The following UPRT variants were observed in gnomAD, a reference collection of about 807,000 sequenced individuals.
The protein encoded by UPRT is uracil phosphoribosyltransferase homolog, also known as RP11-311P8.3.
A neutral mutation model predicts 22.6 loss-of-function variants in UPRT; 5 were observed. That is an observed-to-expected ratio of 0.22 (90% CI 0.12 to 0.47). UPRT has a LOEUF of 0.47. Ranked by LOEUF, UPRT falls within the 20% of genes least tolerant of loss-of-function variation. The pLI is 0.99. For missense variants in UPRT, 181 were observed against 239.9 expected, an observed-to-expected ratio of 0.75 and a Z score of 1.62; for synonymous variants, 77 against 87.7, an observed-to-expected ratio of 0.88 and a Z score of 0.68.
intron 4 of UPRT, among the ~76,000 whole-genome samples, chrX:75,205,139 G>C (rs897784751): frequency 9.1e-6 from 1 of 109,867 alleles, no homozygotes; most frequent in African/African-American, 3.3e-5. Context: ...GGGAGGCCGA[G>C]GCGGGTGGAT....
At chrX:75,176,199 G>A (rs2082246083) in intron 4 of UPRT, among the ~76,000 whole-genome samples, 1 of 111,004 alleles carries the variant, frequency 9.0e-6, no homozygotes, top group African/African-American at 3.3e-5. Context: ...GTCAACAGAT[G>A]TTTACAACTC....
At chrX:75,292,284 G>A (rs2082711017) in intron 1 of UPRT, among the ~76,000 whole-genome samples, 1 of 111,774 alleles carries the variant, frequency 8.9e-6, no homozygotes, top group Non-Finnish European at 1.9e-5. Flanking sequence ...GAAAACCACA[G>A]TACGTGAAAT....
intron 4 of UPRT, among the ~76,000 whole-genome samples, chrX:75,177,764 G>A (rs1395483405): frequency 8.9e-6 from 1 of 111,990 alleles, no homozygotes; most frequent in Non-Finnish European, 1.9e-5. Context: ...ACTACAACGG[G>A]GCTTTGGGCA....
intron 4 of UPRT, among the ~76,000 whole-genome samples, chrX:75,224,286 C>T (rs1193799759): frequency 9.0e-6 from 1 of 111,651 alleles, no homozygotes; most frequent in Non-Finnish European, 1.9e-5. Flanking sequence ...TTTATTTTCC[C>T]CAAATATATG....
intron 4 of UPRT, among the ~76,000 whole-genome samples, chrX:75,209,310 G>C (rs1271836148): frequency 8.9e-6 from 1 of 111,761 alleles, no homozygotes; most frequent in Non-Finnish European, 1.9e-5. Flanking sequence ...TCAGTCTTCA[G>C]TTAGAGGTGA....
upstream of UPRT, among the ~76,000 whole-genome samples, chrX:75,272,779 AAG>A (rs1242985784): frequency 9.0e-6 from 1 of 111,447 alleles, no homozygotes; most frequent in African/African-American, 3.3e-5. Context: ...ATGTTAAAAA[AAG>A]GAAGGACAGA....
chrX:75,173,457 T>A, intron 4 of UPRT, among the ~76,000 whole-genome samples: 1 of 112,102 alleles, frequency 8.9e-6, no homozygotes, highest in Non-Finnish European at 1.9e-5. Flanking sequence ...AGGGTGCTGA[T>A]TGGTGTGTTT....
intron 4 of UPRT, among the ~76,000 whole-genome samples, chrX:75,208,543 G>C (rs2082372472): frequency 9.0e-6 from 1 of 111,627 alleles, no homozygotes; most frequent in African/African-American, 3.3e-5. Flanking sequence ...GAAGTGTGTG[G>C]TAGATGGGGG....
At chrX:75,210,851 G>T (rs1385930151) in intron 4 of UPRT, among the ~76,000 whole-genome samples, 2 of 111,262 alleles carry the variant, frequency 1.8e-5, no homozygotes, top group Admixed American at 1.9e-4. Context: ...TTACCATTGC[G>T]TTGGAGGAAG....
intron 4 of UPRT, among the ~76,000 whole-genome samples, chrX:75,249,158 C>T (rs2082518618): frequency 9.0e-6 from 1 of 111,395 alleles, no homozygotes; most frequent in Non-Finnish European, 1.9e-5. Context: ...AACTAACGAG[C>T]AAAATAACCA....
chrX:75,180,563 C>T (rs2147609704), intron 4 of UPRT, among the ~76,000 whole-genome samples: 1 of 111,209 alleles, frequency 9.0e-6, no homozygotes, highest in Non-Finnish European at 1.9e-5. Context: ...CTGACATATT[C>T]CTGCAGTATT....
At chrX:75,300,603 A>C (rs188099789) in intron 5 of UPRT, among the ~76,000 whole-genome samples, 1 of 110,918 alleles carries the variant, frequency 9.0e-6, no homozygotes, top group East Asian at 2.9e-4. Context: ...CCTGGGCAAC[A>C]TATGGAGAAC....
chrX:75,210,115 CTTTA>C (rs1433324996), intron 4 of UPRT, among the ~76,000 whole-genome samples: 1 of 111,630 alleles, frequency 9.0e-6, no homozygotes, highest in Non-Finnish European at 1.9e-5. Context: ...GCAGGGGCAG[CTTTA>C]TTTATGACAG....
chrX:75,240,945 C>T (rs2082486422), intron 4 of UPRT, among the ~76,000 whole-genome samples: 1 of 111,515 alleles, frequency 9.0e-6, no homozygotes, highest in African/African-American at 3.3e-5. Flanking sequence ...AGATCAAAAA[C>T]TTAAATCTAA....
intron 4 of UPRT, among the ~76,000 whole-genome samples, chrX:75,227,942 T>TAAACTA (rs2082427995): frequency 4.5e-5 from 5 of 112,255 alleles, no homozygotes; most frequent in Admixed American, 9.5e-5. Flanking sequence ...TTTTTATTTT[T>TAAACTA]TTAAATAGTT....
chrX:75,217,423 C>T (rs1424916660), intron 4 of UPRT, among the ~76,000 whole-genome samples: 2 of 111,427 alleles, frequency 1.8e-5, no homozygotes, highest in Non-Finnish European at 3.8e-5. Context: ...GATATTGATT[C>T]TTCGTACCCA....
At chrX:75,266,003 G>A (rs1217657039) in intron 4 of UPRT, among the ~76,000 whole-genome samples, 2 of 111,140 alleles carry the variant, frequency 1.8e-5, no homozygotes, top group Non-Finnish European at 3.8e-5. Context: ...TTGTGAAAAT[G>A]GCCATACTGC....
chrX:75,290,086 G>A (rs1481202695), intron 1 of UPRT, among the ~76,000 whole-genome samples: 1 of 111,612 alleles, frequency 9.0e-6, no homozygotes, highest in Non-Finnish European at 1.9e-5. Context: ...AATCTGTAAG[G>A]AACTTAAACA....
intron 4 of UPRT, among the ~76,000 whole-genome samples, chrX:75,199,258 G>GCTCCAAAAGAGACCCCTTC (rs2082341236): frequency 9.0e-6 from 1 of 111,717 alleles, no homozygotes; most frequent in African/African-American, 3.3e-5. Flanking sequence ...ACAGCTTGTG[G>GCTCCAAAAGAGACCCCTTC]CTCCAAAAGA....
Sources: allele counts gnomAD v4.1 joint callset (sites outside exome capture counted in the v4.1 genomes callset), GRCh38; gene constraint gnomAD v4.1.1; transcripts MANE v1.5; gene names NCBI Gene and HGNC (gene_info 2026-07-23, HGNC 2026-07-21).